ADAMTSL1: variants seen among roughly 807,000 people sequenced by gnomAD.
ADAMTSL1 encodes the protein ADAMTS-like protein 1.
Under a neutral mutation model 201.8 loss-of-function variants are expected in ADAMTSL1, and 126 were observed. The observed-to-expected ratio is 0.62, with a 90% CI of 0.54 to 0.72. ADAMTSL1 has a LOEUF of 0.72. Ranked by LOEUF, ADAMTSL1 falls within the 30% of genes least tolerant of loss-of-function variation. The pLI is 0.00. For missense variants in ADAMTSL1, 2,679 were observed against 2,277.8 expected (o/e 1.18, Z -3.59); for synonymous variants, 1,121 against 903.4 (o/e 1.24, Z -4.32).
At chr9:18,811,012 C>CA (rs76456235) in intron 20 of ADAMTSL1, among the ~76,000 whole-genome samples, 2,219 of 38,510 alleles carry the variant, frequency 0.058, 101 homozygotes, top group East Asian at 0.089. Context: ...CAATGAGTAC[C>CA]AAAAAAAAAA....
chr9:18,621,046 T>C (rs1826005437), intron 4 of ADAMTSL1, among the ~76,000 whole-genome samples: 1 of 152,212 alleles, frequency 6.6e-6, no homozygotes, highest in Non-Finnish European at 1.5e-5. Flanking sequence ...AACCAGATTT[T>C]TGAAAGGCAA....
At chr9:18,898,970 G>A (rs1319485209) in intron 26 of ADAMTSL1, among the ~76,000 whole-genome samples, 4 of 152,186 alleles carry the variant, frequency 2.6e-5, no homozygotes. Flanking sequence ...GCAAGAGAAA[G>A]AAAGCAAGCA....
chr9:18,553,824 C>T (rs1359496246), intron 3 of ADAMTSL1, among the ~76,000 whole-genome samples: 1 of 151,676 alleles, frequency 6.6e-6, no homozygotes, highest in East Asian at 1.9e-4. Flanking sequence ...ATCTTTTCTG[C>T]CTGACTTCTT....
At chr9:18,738,253 T>G (rs1191605330) in intron 15 of ADAMTSL1, among the ~76,000 whole-genome samples, 1 of 152,186 alleles carries the variant, frequency 6.6e-6, no homozygotes, top group Non-Finnish European at 1.5e-5. Flanking sequence ...TCTCTATATC[T>G]TAGTCTTTAA....
intron 2 of ADAMTSL1, among the ~76,000 whole-genome samples, chr9:18,274,885 G>A (rs577044211): frequency 4.3e-4 from 65 of 152,162 alleles, no homozygotes; most frequent in Non-Finnish European, 8.4e-4. Flanking sequence ...GCCAATAAAA[G>A]ATCATTCTGA....
At chr9:18,699,538 CA>C (rs2133292358) in intron 13 of ADAMTSL1, among the ~76,000 whole-genome samples, 1 of 152,090 alleles carries the variant, frequency 6.6e-6, no homozygotes, top group African/African-American at 2.4e-5. Context: ...CTATATTGCC[CA>C]GGCTGGTCTC....
Position 18,777,863 on chromosome 9 carries a change from A to G in ADAMTSL1, c.3634A>G (p.Ile1212Val). 1.3e-6 allele frequency: 2 copies of G among 1,576,506 alleles called. No individual in the cohort carries two copies. The highest frequency in any genetic ancestry group is 1.7e-6 in the Non-Finnish European group (2 of 1,156,746). Reference protein sequence around the residue: ...CEAIGHPRPTISWARNGEEVQ... With the variant: ...CEAIGHPRPTVSWARNGEEVQ... ...GGCCATCGGCCACCCAAGGCCTACC[A>G]TCAGCTGGGCCAGGAATGGAGAAGA... The change falls in exon 19 of 29, where the codon ATC becomes GTC. Residue 1212 changes from isoleucine to valine, a missense_variant. Transcript: ENST00000380548.
At chr9:18,290,775 TTGTGTG>T (rs1201114512) in intron 2 of ADAMTSL1, among the ~76,000 whole-genome samples, 4,083 of 71,472 alleles carry the variant, frequency 0.057, 250 homozygotes, top group African/African-American at 0.17. Context: ...CTGGCTTTTT[TTGTGTG>T]TTTTTTTTTT....
At chr9:18,388,458 G>A (rs2133211294) in intron 2 of ADAMTSL1, among the ~76,000 whole-genome samples, 1 of 152,086 alleles carries the variant, frequency 6.6e-6, no homozygotes, top group Non-Finnish European at 1.5e-5. Flanking sequence ...ATTTTCTGTA[G>A]AGACAATGTC....
chr9:17,977,551 CT>C (rs1818505331), intron 1 of ADAMTSL1, among the ~76,000 whole-genome samples: 1 of 151,950 alleles, frequency 6.6e-6, no homozygotes, highest in African/African-American at 2.4e-5. Flanking sequence ...AATTTATCCA[CT>C]TTTTTATAGG....
At chr9:18,756,376 G>A (rs1460272797) in intron 16 of ADAMTSL1, among the ~76,000 whole-genome samples, 3 of 151,108 alleles carry the variant, frequency 2.0e-5, no homozygotes, top group African/African-American at 7.3e-5. Context: ...TTATTTACTG[G>A]AATCCAACTT....
chr9:18,908,142 G>A, intron 28 of ADAMTSL1: 1 of 411,934 alleles, frequency 2.4e-6, no homozygotes, highest in South Asian at 2.2e-5. Context: ...CAAGAAGATA[G>A]AGAAAACAGG....
chr9:18,250,765 C>T (rs1033435023), intron 2 of ADAMTSL1, among the ~76,000 whole-genome samples: 3 of 152,124 alleles, frequency 2.0e-5, no homozygotes, highest in African/African-American at 7.2e-5. Flanking sequence ...CGGTTTTCCA[C>T]ACCCCGCTCC....
chr9:18,716,041 A>T (rs2133386983), intron 14 of ADAMTSL1, among the ~76,000 whole-genome samples: 1 of 150,406 alleles, frequency 6.6e-6, no homozygotes, highest in Admixed American at 6.6e-5. Flanking sequence ...CATATGTAGA[A>T]AGCTGAAACT....
chr9:18,808,812 A>G (rs1006360377), intron 20 of ADAMTSL1, among the ~76,000 whole-genome samples: 1 of 152,228 alleles, frequency 6.6e-6, no homozygotes, highest in Non-Finnish European at 1.5e-5. Context: ...ACTTTAGGTC[A>G]AAGATCTGGG....
At chr9:18,525,194 A>G (rs1818959046) in intron 2 of ADAMTSL1, among the ~76,000 whole-genome samples, 1 of 152,182 alleles carries the variant, frequency 6.6e-6, no homozygotes, top group African/African-American at 2.4e-5. Flanking sequence ...CCAGGAATTT[A>G]TCCACTTCTT....
intron 23 of ADAMTSL1, among the ~76,000 whole-genome samples, chr9:18,839,099 A>G (rs1446795186): frequency 6.7e-6 from 1 of 149,830 alleles, no homozygotes; most frequent in East Asian, 2.0e-4. Flanking sequence ...TTACTTACAT[A>G]TGTATACATG....
At chr9:18,158,625 C>A (rs1320482242) in intron 1 of ADAMTSL1, among the ~76,000 whole-genome samples, 1 of 151,968 alleles carries the variant, frequency 6.6e-6, no homozygotes, top group Non-Finnish European at 1.5e-5. Flanking sequence ...AAATGGCAGA[C>A]CATTCAACAT....
chr9:18,412,669 C>T (rs1294788802), intron 2 of ADAMTSL1, among the ~76,000 whole-genome samples: 1 of 152,228 alleles, frequency 6.6e-6, no homozygotes, highest in East Asian at 1.9e-4. Context: ...GATGTGTTTC[C>T]ATCCAACAGA....
Sources: allele counts gnomAD v4.1 joint callset (sites outside exome capture counted in the v4.1 genomes callset), GRCh38; gene constraint gnomAD v4.1.1; transcripts MANE v1.5; gene names NCBI Gene and HGNC (gene_info 2026-07-23, HGNC 2026-07-21).